The following NCOR2 variants were observed in gnomAD, a reference collection of about 807,000 sequenced individuals.
The protein encoded by NCOR2 is CTG repeat protein 26.
Under a neutral mutation model 262.9 loss-of-function variants are expected in NCOR2, and 81 were observed. The ratio of observed to expected loss-of-function variants is 0.31; its 90% CI spans 0.26 to 0.37. The LOEUF (loss-of-function observed/expected upper bound fraction) is 0.37, where lower values mean the gene tolerates loss of function less well. Ranked by LOEUF, NCOR2 falls within the 10% of genes least tolerant of loss-of-function variation. The probability of loss-of-function intolerance (pLI) is 1.00; values close to 1 mark genes in which losing one functional copy is unlikely to be tolerated. For missense variants in NCOR2, 3,385 were observed against 3,621.4 expected, an observed-to-expected ratio of 0.93 and a Z score of 1.68; for synonymous variants, 1,659 against 1,559.3, an observed-to-expected ratio of 1.06 and a Z score of -1.51.
chr12:124,402,226 G>T (rs1479847857), intron 14 of NCOR2, among the ~76,000 whole-genome samples, 178 bp downstream of exon 16: 1 of 152,140 alleles, frequency 6.6e-6, no homozygotes, highest in African/African-American at 2.4e-5. Flanking sequence ...GAGGAGTAGG[G>T]CGATGGGTGG....
At chr12:124,386,803 C>T (rs565503921) in intron 16 of NCOR2, among the ~76,000 whole-genome samples, 21 of 152,376 alleles carry the variant, frequency 1.4e-4, no homozygotes, top group Non-Finnish European at 2.9e-4. Flanking sequence ...CCTGTCTGCC[C>T]GGCGAGCTGC....
At chr12:124,534,326 G>A (rs558432855) in intron 1 of NCOR2, among the ~76,000 whole-genome samples, 2 of 152,080 alleles carry the variant, frequency 1.3e-5, no homozygotes, top group South Asian at 2.1e-4. Flanking sequence ...GCGTGGTGGC[G>A]CACGCCTGTA....
chr12:124,337,800 G>C (rs2036019067), intron 37 of NCOR2, among the ~76,000 whole-genome samples: 1 of 142,768 alleles, frequency 7.0e-6, no homozygotes, highest in Non-Finnish European at 1.5e-5. Context: ...CCTGCACAGG[G>C]CTGGGGCTGG....
chr12:124,418,575 T>C (rs1226080852), intron 13 of NCOR2, among the ~76,000 whole-genome samples: 1 of 152,120 alleles, frequency 6.6e-6, no homozygotes, highest in Non-Finnish European at 1.5e-5. Flanking sequence ...CAACCAGCCT[T>C]GTGGGTGCAA....
At chr12:124,495,363 T>G (rs1262150128), upstream of NCOR2, 2 of 1,444,224 alleles carry the variant, frequency 1.4e-6, no homozygotes, top group East Asian at 2.5e-5. This position sits in a 1 kb window ranked among gnomAD's most constrained non-coding sequence, Gnocchi z 4.4. Context: ...ACCCCGTCAC[T>G]GGCACCTGCG....
chr12:124,389,323 T>A lies in NCOR2; in HGVS notation c.1877-3436A>T, dbSNP rs2041090742. Among the ~76,000 whole-genome samples, 1 of 151,446 alleles carries A rather than the reference T, an allele frequency of 6.6e-6. No individual in the cohort carries two copies. The highest frequency in any genetic ancestry group is 2.4e-5 in the African/African-American group (1 of 41,148). ...CTGACCCAGCGAGACGCGGCAGGAC[T>A]GAATGTGACCTCCAGACGGAGGCTC... On this transcript the variant is annotated intron_variant, in intron 16 of 46. Transcript: ENST00000405201. This position sits in a 1 kb window ranked among gnomAD's most constrained non-coding sequence, Gnocchi z 4.4.
intron 7 of NCOR2, among the ~76,000 whole-genome samples, chr12:124,447,413 T>G (rs1191826173): frequency 6.6e-6 from 1 of 152,228 alleles, no homozygotes; most frequent in African/African-American, 2.4e-5. Flanking sequence ...TGAAGCAATA[T>G]CTATTTGCTG....
chr12:124,410,139 T>C (rs567962001), intron 13 of NCOR2, among the ~76,000 whole-genome samples: 258 of 150,620 alleles, frequency 1.7e-3, no homozygotes, highest in Non-Finnish European at 3.3e-3. Flanking sequence ...GCTGCTGTTC[T>C]GGGAACTACT....
chr12:124,360,446 G>A (rs897161548), intron 22 of NCOR2, among the ~76,000 whole-genome samples: 6 of 152,240 alleles, frequency 3.9e-5, no homozygotes, highest in Admixed American at 1.3e-4. Flanking sequence ...GAGCTGCGCT[G>A]TGACCTCCCG....
intron 44 of NCOR2, among the ~76,000 whole-genome samples, chr12:124,329,484 C>T (rs1457930383): frequency 6.6e-6 from 1 of 151,402 alleles, no homozygotes; most frequent in Non-Finnish European, 1.5e-5. Context: ...CAAACAAACA[C>T]AAAAAACAAA....
intron 18 of NCOR2, among the ~76,000 whole-genome samples, chr12:124,374,902 C>T (rs1265117557): frequency 1.3e-5 from 2 of 152,200 alleles, no homozygotes; most frequent in East Asian, 1.9e-4. Flanking sequence ...GCCTTCATTG[C>T]CCCCCCACCA....
At chr12:124,370,768 CAA>C (rs1297063303) in intron 20 of NCOR2, among the ~76,000 whole-genome samples, 1 of 152,130 alleles carries the variant, frequency 6.6e-6, no homozygotes, top group Non-Finnish European at 1.5e-5. Flanking sequence ...AGGCCAGGAG[CAA>C]AGACAGAGGC....
Position 124,346,832 on chromosome 12 carries a change from A to G in NCOR2, c.4091T>C (p.Val1364Ala), listed in dbSNP as rs774985221. Residue 1364 changes from valine (V) to alanine (A), a missense_variant, in exon 31 of 47, where the codon GTG becomes GCG. Around this residue, in one of 5 missense-constraint regions of NCOR2, gnomAD observed 1,615 missense variants for 1,626.9 expected, o/e 0.99. Transcript: ENST00000405201. ...ACGCAGGTAGTCCTCCTGTGCCTCCACGTAGGACCGAGGGATCCCTGCCGG... is the reference window on the plus strand; with the variant it reads ...ACGCAGGTAGTCCTCCTGTGCCTCCGCGTAGGACCGAGGGATCCCTGCCGG... The G allele has an allele frequency of 7.0e-6, 11 of 1,579,102 alleles. No individual in the cohort carries two copies. In the Admixed American group the frequency reaches 1.3e-4, roughly 18 times the overall value.
intron 13 of NCOR2, among the ~76,000 whole-genome samples, chr12:124,411,872 G>C (rs1277834234): frequency 6.6e-6 from 1 of 152,210 alleles, no homozygotes; most frequent in Non-Finnish European, 1.5e-5. Flanking sequence ...CGGGAGGTGG[G>C]GGCTCGGCCC....
In NCOR2 at chr12:124,466,207, C is replaced by T. The variant is rs760665839; in HGVS notation, c.671G>A (p.Arg224His). The change falls in exon 5 of 47, where the codon CGC becomes CAC. Residue 224 changes from arginine (R) to histidine (H), a missense_variant. Arg to His is a conservative substitution (Grantham distance 29). Transcript: ENST00000405201. ...GTCGTAGATGATCTGCACCAGGCTG[C>T]GGTGCTTCGACTCGATGGGCGGCGG... 5.0e-6 allele frequency: 8 copies of T among 1,610,504 alleles called. No homozygotes were observed. The East Asian group carries it at 6.7e-5, about 14-fold the overall frequency.
At chr12:124,358,885 C>T (rs982678569) in intron 22 of NCOR2, among the ~76,000 whole-genome samples, 27 of 152,238 alleles carry the variant, frequency 1.8e-4, no homozygotes, top group African/African-American at 6.5e-4. Context: ...ACTGACTGTC[C>T]CCATTTCACA....
intron 5 of NCOR2, among the ~76,000 whole-genome samples, chr12:124,463,013 C>A (rs1486855038): frequency 6.6e-6 from 1 of 152,192 alleles, no homozygotes; most frequent in Non-Finnish European, 1.5e-5. Flanking sequence ...CTATTGGAAG[C>A]AGCCTTCTAC....
chr12:124,495,025 G>A lies in NCOR2; in HGVS notation c.105+122C>T, dbSNP rs1417034933. On this transcript the variant is annotated intron_variant, in intron 1 of 46. Coordinates refer to ENST00000405201, the Ensembl canonical transcript of NCOR2. The surrounding 1 kb of genome is among the most constrained non-coding windows in gnomAD (Gnocchi z 4.4). The stretch of plus-strand genomic sequence containing the variant: ...GGGTCTCTGTGGCGGCCTCCCCTCT[G>A]CCCTGGGAGGCTCAGAGCCACATGA... 35 of 1,273,644 alleles carry A rather than the reference G, an allele frequency of 2.7e-5. No homozygotes were observed. Among genetic ancestry groups the A allele is most frequent in the Non-Finnish European group, 3.5e-5 (32 of 925,580 alleles). 78.9% of individuals were successfully genotyped at this position (1,273,644 alleles called of 1,614,324 possible).
chr12:124,374,804 C>T (rs188080243), intron 18 of NCOR2, among the ~76,000 whole-genome samples: 391 of 152,338 alleles, frequency 2.6e-3, no homozygotes, highest in Middle Eastern at 6.8e-3. Context: ...TGGAACCAGG[C>T]TCCCAGGATG....
Sources: gnomAD v4.1 joint callset for allele counts (sites outside exome capture counted in the v4.1 genomes callset) on GRCh38, gnomAD v4.1.1 for gene constraint, gnomAD v4.1.1 regional missense constraint, Gnocchi (gnomAD v3.1) non-coding constraint, MANE v1.5 for transcripts, NCBI Gene and HGNC (gene_info 2026-07-23, HGNC 2026-07-21) for gene names.